BMP2K: variants seen among roughly 807,000 people sequenced by gnomAD.
BMP2K encodes the protein BMP-2-inducible protein kinase.
Under a neutral mutation model 116.0 loss-of-function variants are expected in BMP2K, and 74 were observed. The observed-to-expected ratio is 0.64, with a 90% confidence interval of 0.53 to 0.77. The LOEUF is 0.77. Among genes scored for constraint, BMP2K ranks in the 30% least tolerant of loss-of-function variants. The pLI is 0.00. For missense variants in BMP2K, 1,365 were observed against 1,403.6 expected (o/e 0.97, Z 0.44); for synonymous variants, 486 against 502.5 (o/e 0.97, Z 0.44).
rs374975261 is a variant in BMP2K at position 78,872,994 on chromosome 4, G to A, written c.1793+196G>A. ...GTTTCCTCAGTTAATTCTGCTAACT[G>A]CTATTTGTAGGTAAGGTGTAGCAAC... is the stretch of plus-strand genomic sequence containing the variant. On this transcript the variant is annotated intron_variant, in intron 13 of 15. Transcript: ENST00000502613. Among the ~76,000 whole-genome samples the A allele has an allele frequency of 1.2e-4, 19 of 152,288 alleles. No homozygotes were observed. In the South Asian group the frequency reaches 1.9e-3, roughly 15 times the overall value.
chr4:78,832,512 T>C (rs1730256265), intron 2 of BMP2K, among the ~76,000 whole-genome samples: 1 of 152,158 alleles, frequency 6.6e-6, no homozygotes, highest in Non-Finnish European at 1.5e-5. Flanking sequence ...TGATTAGACT[T>C]TGGCATTTAC....
intron 13 of BMP2K, 85 bp from the exon 14 acceptor site, chr4:78,878,649 A>G: frequency 1.8e-6 from 2 of 1,105,954 alleles, no homozygotes; most frequent in South Asian, 1.5e-5. Flanking sequence ...AAGTATTTAT[A>G]AAGTATAAAG....
intron 6 of BMP2K, among the ~76,000 whole-genome samples, chr4:78,850,678 C>T (rs1731208481): frequency 6.6e-6 from 1 of 151,836 alleles, no homozygotes; most frequent in African/African-American, 2.4e-5. Context: ...AAAGAACCAG[C>T]TACTTCTAAT....
rs1163050519 is a variant in BMP2K at position 78,914,095 on chromosome 4, G to A, written c.*2062G>A. On this transcript the variant is annotated 3_prime_UTR_variant, in exon 16 of 16. Coordinates refer to ENST00000502613, the MANE Select transcript of BMP2K (RefSeq NM_198892.2). The stretch of plus-strand genomic sequence containing the variant: ...TTTTTTTTAATGAAAATCTGTTGAG[G>A]TGTACACAATATGCTTCTTGATTGT... 1.3e-5 allele frequency: 2 copies of A among 151,910 alleles called. No individual in the cohort carries two copies. Among genetic ancestry groups the A allele is most frequent in the East Asian group, 1.9e-4 (1 of 5,186 alleles). 9.4% of individuals were successfully genotyped at this position (151,910 alleles called of 1,614,324 possible). A position where few individuals can be genotyped will look rare whatever the true frequency, so the allele number is the denominator to read the frequency against.
chr4:78,790,548 A>G (rs1269942387), intron 1 of BMP2K, among the ~76,000 whole-genome samples: 1 of 152,186 alleles, frequency 6.6e-6, no homozygotes, highest in Non-Finnish European at 1.5e-5. Context: ...ATGGAGAACT[A>G]TGTCATGTTG....
intron 4 of BMP2K, among the ~76,000 whole-genome samples, 195 bp from the exon 5 acceptor site, chr4:78,844,733 A>G (rs28372745): frequency 0.064 from 9,729 of 151,490 alleles, 428 homozygotes; most frequent in East Asian, 0.22. Flanking sequence ...ATGTCTATAT[A>G]TGTGTGTGTG....
chr4:78,897,844 TA>T (rs1366888506), intron 15 of BMP2K, among the ~76,000 whole-genome samples: 2 of 152,238 alleles, frequency 1.3e-5, no homozygotes, highest in African/African-American at 4.8e-5. Flanking sequence ...AGGATTATTA[TA>T]AAGATTACAG....
chr4:78,784,369 A>G (rs1727641494), intron 1 of BMP2K, among the ~76,000 whole-genome samples: 1 of 152,196 alleles, frequency 6.6e-6, no homozygotes, highest in Admixed American at 6.5e-5. Context: ...CCTTTGTTTT[A>G]TCTTGCATGC....
chr4:78,812,495 G>T (rs542796814), intron 1 of BMP2K, among the ~76,000 whole-genome samples: 42 of 152,260 alleles, frequency 2.8e-4, no homozygotes, highest in South Asian at 1.7e-3. Flanking sequence ...GTCCAAAACT[G>T]TGCTGTTGAT....
chr4:78,867,245 G>A (rs894325905), intron 10 of BMP2K, among the ~76,000 whole-genome samples: 4 of 152,082 alleles, frequency 2.6e-5, no homozygotes, highest in South Asian at 2.1e-4. Flanking sequence ...TATAAATTTT[G>A]TCTAGAAAGA....
In BMP2K at chr4:78,853,576, C is replaced by T. The variant is rs114950512; in HGVS notation, c.883+2520C>T. 5.6e-3 allele frequency among the ~76,000 whole-genome samples: 848 copies of T among 152,200 alleles called. 11 individuals are homozygous for T. The highest frequency in any genetic ancestry group is 0.019 in the African/African-American group (803 of 41,546). On this transcript the variant is annotated intron_variant, in intron 7 of 15. Transcript: ENST00000502613. ...ATAGTTATGAAGAATGTACTGAAAG[C>T]TGGCTGCCTCAGTTGTCTTTTGGCT...
chr4:78,862,391 G>A (rs1336711487), intron 9 of BMP2K, among the ~76,000 whole-genome samples: 1 of 152,016 alleles, frequency 6.6e-6, no homozygotes, highest in Non-Finnish European at 1.5e-5. Context: ...TTTCCCTGCG[G>A]ATGGGAGTTG....
At chr4:78,819,263 A>T (rs1186291236) in intron 1 of BMP2K, among the ~76,000 whole-genome samples, 2 of 152,076 alleles carry the variant, frequency 1.3e-5, no homozygotes. Flanking sequence ...GGCCTCCCAA[A>T]GTGTTGGTAT....
intron 3 of BMP2K, among the ~76,000 whole-genome samples, chr4:78,839,400 T>A (rs1356870095): frequency 2.6e-5 from 4 of 152,188 alleles, no homozygotes. Context: ...CTGTTTCTGT[T>A]GGCCAAAGAA....
At chr4:78,908,997 T>C (rs1372469750) in intron 15 of BMP2K, among the ~76,000 whole-genome samples, 2 of 135,212 alleles carry the variant, frequency 1.5e-5, no homozygotes, top group Non-Finnish European at 3.0e-5. Flanking sequence ...CCAAAATCTC[T>C]AACTTGCATT....
At chr4:78,842,093 A>G (rs1730786894) in intron 3 of BMP2K, among the ~76,000 whole-genome samples, 1 of 152,048 alleles carries the variant, frequency 6.6e-6, no homozygotes, top group Admixed American at 6.6e-5. Context: ...TTAAATAGCT[A>G]TTTCTTAAAA....
chr4:78,850,972 G>C lies in BMP2K; in HGVS notation c.799G>C (p.Gly267Arg). Reference sequence around the variant, plus strand: ...ACTTTGTTTCTTCACTCTTCCTTTTGGTGAGAGTCAGGTTGCTATCTGTGA... The same window carrying C: ...ACTTTGTTTCTTCACTCTTCCTTTTCGTGAGAGTCAGGTTGCTATCTGTGA... ...YKLCFFTLPFGESQVAICDGN... is the reference protein window; with the variant it reads ...YKLCFFTLPFRESQVAICDGN... The change falls in exon 7 of 16, where the codon GGT becomes CGT. Residue 267 changes from glycine (G) to arginine (R), a missense_variant. Gly to Arg is a moderately radical substitution (Grantham distance 125). Around this residue, in one of 3 missense-constraint regions of BMP2K, gnomAD observed 762 missense variants for 756.7 expected, o/e 1.01. Coordinates refer to ENST00000502613, the MANE Select transcript of BMP2K (RefSeq NM_198892.2). 1 of 1,611,970 alleles carries C rather than the reference G, an allele frequency of 6.2e-7. No homozygotes were observed. Among genetic ancestry groups the C allele is most frequent in the South Asian group, 1.1e-5 (1 of 90,996 alleles).
At chr4:78,793,592 A>G (rs1207820902) in intron 1 of BMP2K, among the ~76,000 whole-genome samples, 11 of 152,144 alleles carry the variant, frequency 7.2e-5, no homozygotes, top group Admixed American at 7.2e-4. Flanking sequence ...TCCTGAGGCC[A>G]AAAGACTTTG....
chr4:78,813,920 C>T (rs778403875), intron 1 of BMP2K, among the ~76,000 whole-genome samples: 1 of 152,152 alleles, frequency 6.6e-6, no homozygotes, highest in Non-Finnish European at 1.5e-5. Flanking sequence ...TGTAGTTAGT[C>T]TTGTTCATAG....
Sources: allele counts gnomAD v4.1 joint callset (sites outside exome capture counted in the v4.1 genomes callset), GRCh38; gene constraint gnomAD v4.1.1; regional missense constraint gnomAD v4.1.1; transcripts MANE v1.5; gene names NCBI Gene and HGNC (gene_info 2026-07-23, HGNC 2026-07-21).